Variants in GPR139 observed in about 807,000 individuals in gnomAD.
The protein encoded by GPR139 is probable G protein-coupled receptor 139.
A neutral mutation model predicts 25.8 loss-of-function variants in GPR139; 12 were observed. The observed-to-expected ratio is 0.47, with a 90% CI of 0.30 to 0.75. The LOEUF (loss-of-function observed/expected upper bound fraction) is 0.75, where lower values mean the gene tolerates loss of function less well. GPR139 is among the 30% of genes least tolerant of loss of function. GPR139 has a pLI of 0.07. For missense variants in GPR139, 380 were observed against 450.2 expected, an observed-to-expected ratio of 0.84 and a Z score of 1.41; for synonymous variants, 184 against 179.9, an observed-to-expected ratio of 1.02 and a Z score of -0.18.
intron 1 of GPR139, among the ~76,000 whole-genome samples, chr16:20,071,762 C>A (rs1191821552): frequency 2.6e-5 from 4 of 152,138 alleles, no homozygotes; most frequent in African/African-American, 9.7e-5. Context: ...AGTTTTTCCT[C>A]ATTTTCTCCA....
At position 20,031,471 on chromosome 16, in the gene GPR139, C is replaced by G; in HGVS notation, c.*264G>C. On this transcript the variant is annotated 3_prime_UTR_variant, in exon 2 of 2. Coordinates refer to ENST00000570682, the MANE Select transcript of GPR139 (RefSeq NM_001002911.4). Reference sequence around the variant, plus strand: ...CCTAACTGGTCACAGGATGATGACACAAGCTCCAATGGCATCTTCAAACTG... The same window carrying G: ...CCTAACTGGTCACAGGATGATGACAGAAGCTCCAATGGCATCTTCAAACTG... 4.2e-6 allele frequency: 2 copies of G among 481,872 alleles called. No homozygotes were observed. Among genetic ancestry groups the G allele is most frequent in the Non-Finnish European group, 7.5e-6 (2 of 266,792 alleles). 29.8% of individuals were successfully genotyped at this position (481,872 alleles called of 1,614,324 possible).
chr16:20,058,234 T>A (rs572234204), intron 1 of GPR139, among the ~76,000 whole-genome samples: 4 of 152,316 alleles, frequency 2.6e-5, no homozygotes, highest in African/African-American at 4.8e-5. Context: ...CAGGTGGAAC[T>A]CAAATCCAGG....
intron 1 of GPR139, among the ~76,000 whole-genome samples, chr16:20,069,276 C>G (rs1307067782): frequency 2.0e-5 from 3 of 152,034 alleles, no homozygotes; most frequent in Non-Finnish European, 4.4e-5. Context: ...ATAATCACTC[C>G]CAGTTAAAGT....
At chr16:20,071,908 A>C (rs1306244884) in intron 1 of GPR139, among the ~76,000 whole-genome samples, 1 of 152,040 alleles carries the variant, frequency 6.6e-6, no homozygotes, top group East Asian at 1.9e-4. Flanking sequence ...AGGAGGTGCA[A>C]GGGTGGGTGG....
At position 20,073,551 on chromosome 16, in the gene GPR139, G is replaced by A; in HGVS notation, c.66C>T (p.Ala22=). 1 of 1,605,124 alleles carries A rather than the reference G, an allele frequency of 6.2e-7. No individual in the cohort carries two copies. The highest frequency in any genetic ancestry group is 1.7e-4 in the Middle Eastern group (1 of 6,040). ...CCACGGGCACGAAACCCAAGCCGCA[G>A]GCCGAGCCGGGGGACCACCAAGACA... The part of the protein sequence containing the change: ...SSLSWWSPGS[A]CGLGFVPVVY... The change falls in exon 1 of 2, where the codon GCC becomes GCT. Residue 22 remains alanine (A), a synonymous_variant. Coordinates refer to ENST00000570682, the MANE Select transcript of GPR139 (RefSeq NM_001002911.4). The surrounding 1 kb of genome is among the most constrained non-coding windows in gnomAD (Gnocchi z 4.7).
At chr16:20,041,241 GAGAGGAGAGGGAAGGAGAAA>G (rs1393069174) in intron 1 of GPR139, among the ~76,000 whole-genome samples, 653 of 6,996 alleles carry the variant, frequency 0.093, 277 homozygotes, top group Non-Finnish European at 0.11. Context: ...GAGAGGAGAG[GAGAGGAGAGGGAAGGAGAAA>G]AGAAAAGCAT....
chr16:20,064,917 G>A (rs2057425994), intron 1 of GPR139, among the ~76,000 whole-genome samples: 1 of 152,172 alleles, frequency 6.6e-6, no homozygotes, highest in African/African-American at 2.4e-5. Context: ...TGCAATGTGT[G>A]GTATTTTTTG....
At chr16:20,033,041 T>C (rs112795947) in intron 1 of GPR139, among the ~76,000 whole-genome samples, 1 of 151,878 alleles carries the variant, frequency 6.6e-6, no homozygotes, top group African/African-American at 2.4e-5. Flanking sequence ...GCCACCATTC[T>C]CCTCACACAA....
chr16:20,065,828 G>A (rs1367300966), intron 1 of GPR139, among the ~76,000 whole-genome samples: 8 of 149,396 alleles, frequency 5.4e-5, no homozygotes, highest in East Asian at 3.9e-4. Context: ...AGCTGAAATC[G>A]CGCCACTGCA....
intron 1 of GPR139, among the ~76,000 whole-genome samples, chr16:20,041,127 A>AG (rs2057329106): frequency 1.6e-4 from 1 of 6,162 alleles, no homozygotes; most frequent in Non-Finnish European, 2.8e-4. Flanking sequence ...AAAGGAAAGG[A>AG]AAGGAGAGGA....
At chr16:20,050,172 A>G (rs2057367174) in intron 1 of GPR139, among the ~76,000 whole-genome samples, 1 of 152,218 alleles carries the variant, frequency 6.6e-6, no homozygotes, top group Admixed American at 6.5e-5. Flanking sequence ...GAAGAAATCT[A>G]ATATAGAGGA....
chr16:20,032,711 T>C, intron 1 of GPR139, 42 bp from the exon 2 acceptor site: 3 of 1,498,464 alleles, frequency 2.0e-6, no homozygotes, highest in Non-Finnish European at 2.7e-6. Flanking sequence ...GAAGCAAAGA[T>C]GACTTCGTTG....
Position 20,031,611 on chromosome 16 carries a change from C to T in GPR139, c.*124G>A. Reference sequence around the variant, plus strand: ...TTCTCATCTACCAGTCTGAGAATTGCCCAGTCTGCGGGAGACAGGAAATCG... The same window carrying T: ...TTCTCATCTACCAGTCTGAGAATTGTCCAGTCTGCGGGAGACAGGAAATCG... On this transcript the variant is annotated 3_prime_UTR_variant, in exon 2 of 2. Coordinates refer to ENST00000570682, the MANE Select transcript of GPR139 (RefSeq NM_001002911.4). The T allele has an allele frequency of 1.4e-6, 1 of 718,598 alleles. No individual in the cohort carries two copies. The allele number at this position is 718,598 out of a possible 1,614,324, so 44.5% of individuals were successfully genotyped here.
intron 1 of GPR139, among the ~76,000 whole-genome samples, chr16:20,065,324 C>G (rs1470749197): frequency 1.3e-5 from 2 of 152,184 alleles, no homozygotes; most frequent in Non-Finnish European, 2.9e-5. Context: ...GGCTGGAAAG[C>G]TGAGTGGCAG....
Position 20,032,157 on chromosome 16 carries a change from T to C in GPR139, c.640A>G (p.Ser214Gly), listed in dbSNP as rs2057292244. 1.9e-6 allele frequency: 3 copies of C among 1,614,074 alleles called. No homozygotes were observed. The highest frequency in any genetic ancestry group is 1.6e-4 in the Middle Eastern group (1 of 6,084). Residue 214 changes from serine (S) to glycine (G), a missense_variant, in exon 2 of 2, where the codon AGC becomes GGC. By Grantham distance (56) the Ser-to-Gly change is moderately conservative (BLOSUM62 0). Coordinates refer to ENST00000570682, the MANE Select transcript of GPR139 (RefSeq NM_001002911.4). ...GAGTAGCCACGGAGACGAAAATTGC[T>C]CTTCCTCCTGAGCTTGTACACAATG... ...SIIVYKLRRK[S>G]NFRLRGYSTG...
Position 20,038,341 on chromosome 16 carries a change from G to A in GPR139, c.128-5672C>T, listed in dbSNP as rs1041684736. Among the ~76,000 whole-genome samples the A allele has an allele frequency of 2.7e-4, 27 of 100,672 alleles. No individual in the cohort carries two copies. The South Asian group carries it at 3.7e-3, about 14-fold the overall frequency. The allele number at this position is 100,672 out of a possible 152,430, so 66.0% of individuals were successfully genotyped here. On this transcript the variant is annotated intron_variant, in intron 1 of 1. Transcript: ENST00000570682. ...GGATAATATATATATGTGTGTGTGT[G>A]TGTGTGTGTGTGTGTGTGTGTGTGT...
In GPR139 at chr16:20,032,191, CAAG is replaced by C; in HGVS notation, c.603_605del (p.Ile201_Leu202delinsMet). 1.9e-6 allele frequency: 3 copies of C among 1,614,072 alleles called. No individual in the cohort carries two copies. Among genetic ancestry groups the C allele is most frequent in the African/African-American group, 1.3e-5 (1 of 75,006 alleles). On this transcript the variant is annotated inframe_deletion, in exon 2 of 2. Transcript: ENST00000570682. ...TGAGCTTGTACACAATGATTGAGTT[CAAG>C]ATGAAGAAGATGGAGCAGGGCACCA...
rs139610639 is a variant in GPR139, at chr16:20,041,110, AGAAAGGAAAG to A, written c.128-8451_128-8442del. Among the ~76,000 whole-genome samples, 145 of 81,544 alleles carry A rather than the reference AGAAAGGAAAG, an allele frequency of 1.8e-3. 17 individuals carry two copies. Among genetic ancestry groups the A allele is most frequent in the African/African-American group, 8.6e-3 (116 of 13,456 alleles). The allele number at this position is 81,544 out of a possible 152,430, so 53.5% of individuals were successfully genotyped here. A position where few individuals can be genotyped will look rare whatever the true frequency, so the allele number is the denominator to read the frequency against. On this transcript the variant is annotated intron_variant, in intron 1 of 1. Transcript: ENST00000570682. ...GGGCGACAGAGTGAGACTCTGACCCAGAAAGGAAAGGAAAGGAAAGGAGAGGAGAGGAGAG... is the reference window on the plus strand; with the variant it reads ...GGGCGACAGAGTGAGACTCTGACCCAGAAAGGAAAGGAGAGGAGAGGAGAG...
intron 1 of GPR139, among the ~76,000 whole-genome samples, chr16:20,049,377 T>C (rs1023641284): frequency 6.6e-6 from 1 of 152,230 alleles, no homozygotes; most frequent in African/African-American, 2.4e-5. Context: ...CCAGTGTCTA[T>C]GTAGCTTCTT....
Sources: gnomAD v4.1 joint callset for allele counts (sites outside exome capture counted in the v4.1 genomes callset) on GRCh38, gnomAD v4.1.1 for gene constraint, Gnocchi (gnomAD v3.1) non-coding constraint, MANE v1.5 for transcripts, NCBI Gene and HGNC (gene_info 2026-07-23, HGNC 2026-07-21) for gene names.